SLC35F5: variants seen among roughly 807,000 people sequenced by gnomAD.
The protein encoded by SLC35F5 is solute carrier family 35 member F5.
A neutral mutation model predicts 68.6 loss-of-function variants in SLC35F5; 54 were observed. The observed-to-expected ratio is 0.79, with a 90% confidence interval of 0.63 to 0.99. The LOEUF is 0.99. Ranked by LOEUF, SLC35F5 falls within the 50% of genes least tolerant of loss-of-function variation. SLC35F5 has a pLI of 0.00. For synonymous variants in SLC35F5, 211 were observed against 205.2 expected, an observed-to-expected ratio of 1.03 and a Z score of -0.24; for missense variants, 567 against 626.9, an observed-to-expected ratio of 0.90 and a Z score of 1.02.
rs545946884 is a variant in SLC35F5, at chr2:113,707,012, A to C, written c.*8206T>G. 6.3e-4 allele frequency among the ~76,000 whole-genome samples: 96 copies of C among 152,346 alleles called. No individual in the cohort carries two copies. In the South Asian group the frequency reaches 0.019, roughly 30 times the overall value. ...CATAGCTAACATAAGTAGGAATTAT[A>C]ATTAATTTTATAATTGTGTTTAAAT... On this transcript the variant is annotated 3_prime_UTR_variant, in exon 16 of 16. Coordinates refer to ENST00000245680, the MANE Select transcript of SLC35F5 (RefSeq NM_025181.5).
At chr2:113,703,778 G>A (rs544188717), downstream of SLC35F5, 72 of 152,280 alleles carry the variant, frequency 4.7e-4, 1 homozygote, top group African/African-American at 1.7e-3. Flanking sequence ...GGATTAGCCT[G>A]GTTCTTCACT....
At chr2:113,720,920 A>G (rs2104980444) in intron 13 of SLC35F5, among the ~76,000 whole-genome samples, 1 of 152,294 alleles carries the variant, frequency 6.6e-6, no homozygotes, top group African/African-American at 2.4e-5. Context: ...TTTGATTTCC[A>G]ACAAGCTAAG....
chr2:113,756,285 C>T (rs545938450), intron 1 of SLC35F5, 85 bp downstream of exon 1: 186 of 1,545,556 alleles, frequency 1.2e-4, no homozygotes, highest in Admixed American at 2.6e-4. Context: ...CCTGCTGCCA[C>T]CGAGGGCAGG....
At chr2:113,746,612 C>CT (rs1267880678) in intron 4 of SLC35F5, among the ~76,000 whole-genome samples, 1 of 152,082 alleles carries the variant, frequency 6.6e-6, no homozygotes, top group Middle Eastern at 3.2e-3. Context: ...AGCTTATGCC[C>CT]TTTTCGGAAC....
chr2:113,717,367 GA>G (rs1376255529), intron 15 of SLC35F5: 1 of 152,996 alleles, frequency 6.5e-6, no homozygotes. Context: ...TATCATCAGA[GA>G]AAAAATATTT....
In SLC35F5 at chr2:113,708,116, C is replaced by A. The variant is rs1686851861; in HGVS notation, c.*7102G>T. Among the ~76,000 whole-genome samples, 1 of 152,106 alleles carries A rather than the reference C, an allele frequency of 6.6e-6. No homozygotes were observed. The highest frequency in any genetic ancestry group is 2.4e-5 in the African/African-American group (1 of 41,414). ...CACCAGTGCTCATCCTGTGGGCACC[C>A]CACAGTCAGCAGTTTAAGACCATTC... On this transcript the variant is annotated 3_prime_UTR_variant, in exon 16 of 16. Coordinates refer to ENST00000245680, the MANE Select transcript of SLC35F5 (RefSeq NM_025181.5).
intron 3 of SLC35F5, among the ~76,000 whole-genome samples, chr2:113,752,989 G>C (rs1046535471): frequency 2.0e-5 from 3 of 151,876 alleles, no homozygotes; most frequent in African/African-American, 7.3e-5. Flanking sequence ...AATGCTCCAG[G>C]AAAAAAAGTT....
rs1473727485 is a variant in SLC35F5, at chr2:113,711,777, A to T, written c.*3441T>A. ...TTATTTAGTAATAAAGAATATTTCA[A>T]AAGGAGAGTAGGTAGAAACGAAGAT... On this transcript the variant is annotated 3_prime_UTR_variant, in exon 16 of 16. Coordinates refer to ENST00000245680, the MANE Select transcript of SLC35F5 (RefSeq NM_025181.5). Among the ~76,000 whole-genome samples the T allele has an allele frequency of 7.5e-6, 1 of 132,574 alleles. No homozygotes were observed. Among genetic ancestry groups the T allele is most frequent in the Non-Finnish European group, 1.7e-5 (1 of 57,984 alleles). 87.0% of individuals were successfully genotyped at this position (132,574 alleles called of 152,430 possible).
At chr2:113,721,971 C>CTTTTT (rs71297192) in intron 13 of SLC35F5, among the ~76,000 whole-genome samples, 8,902 of 107,364 alleles carry the variant, frequency 0.083, 478 homozygotes, top group Non-Finnish European at 0.11. Flanking sequence ...TTGCTTTTAT[C>CTTTTT]TTTTTTTTTT....
At chr2:113,744,496 C>T (rs1486268340) in intron 5 of SLC35F5, among the ~76,000 whole-genome samples, 2 of 152,088 alleles carry the variant, frequency 1.3e-5, no homozygotes, top group Admixed American at 1.3e-4. Flanking sequence ...CCTGTAATCC[C>T]AGAACTTTGG....
Position 113,755,445 on chromosome 2 carries a change from G to C in SLC35F5, c.131+9C>G, listed in dbSNP as rs750489894. 1.9e-6 allele frequency: 3 copies of C among 1,613,674 alleles called. No homozygotes were observed. The African/African-American group carries it at 4.0e-5, about 22-fold the overall frequency. ...TGAAAGTTACATAGAGGATAAACGT[G>C]GAATCTACCTTGTCTTAAGAGCCCT... On this transcript the variant is annotated intron_variant, in intron 2 of 15. Coordinates refer to ENST00000245680, the MANE Select transcript of SLC35F5 (RefSeq NM_025181.5).
At position 113,743,476 on chromosome 2, in the gene SLC35F5, T is replaced by C. The variant is rs1559353488; in HGVS notation, c.562+237A>G. ...GCATGTGTGTATGTGTGTATACATA[T>C]ATATGATGAAACCATAGAGATTTAT... On this transcript the variant is annotated intron_variant, in intron 6 of 15. Coordinates refer to ENST00000245680, the MANE Select transcript of SLC35F5 (RefSeq NM_025181.5). Among the ~76,000 whole-genome samples, 3 of 152,310 alleles carry C rather than the reference T, an allele frequency of 2.0e-5. No homozygotes were observed. The South Asian group carries it at 6.2e-4, about 32-fold the overall frequency.
intron 5 of SLC35F5, among the ~76,000 whole-genome samples, chr2:113,744,428 T>C (rs1286097533): frequency 4.6e-5 from 7 of 152,210 alleles, no homozygotes; most frequent in African/African-American, 1.7e-4. Context: ...GTTAAACATA[T>C]ATTTCTCATT....
chr2:113,737,858 G>A (rs574741981), intron 7 of SLC35F5, among the ~76,000 whole-genome samples: 8 of 152,090 alleles, frequency 5.3e-5, no homozygotes, highest in East Asian at 1.9e-4. Context: ...TCCATACAAC[G>A]TCTCCCTTCA....
intron 13 of SLC35F5, among the ~76,000 whole-genome samples, chr2:113,722,628 A>C (rs1687490589): frequency 6.6e-6 from 1 of 152,204 alleles, no homozygotes; most frequent in Admixed American, 6.5e-5. Context: ...TATTTATCAC[A>C]AGAATCCCCA....
intron 7 of SLC35F5, among the ~76,000 whole-genome samples, chr2:113,737,477 G>T (rs757612516): frequency 6.6e-6 from 1 of 152,160 alleles, no homozygotes; most frequent in Non-Finnish European, 1.5e-5. Context: ...TCTGCATGCC[G>T]ATGAAGTGCT....
In SLC35F5 at chr2:113,755,130, T is replaced by TAATG. The variant is rs1414962148; in HGVS notation, c.273+31_273+34dup. The stretch of plus-strand genomic sequence containing the variant: ...AGGTTAAGAGTTAACATTGTGGCTG[T>TAATG]AATGTAACATCATTCCTGGACCAAA... On this transcript the variant is annotated intron_variant, in intron 3 of 15. Coordinates refer to ENST00000245680, the MANE Select transcript of SLC35F5 (RefSeq NM_025181.5). 3 of 1,603,572 alleles carry TAATG rather than the reference T, an allele frequency of 1.9e-6. No homozygotes were observed. The Admixed American group carries it at 5.1e-5, about 27-fold the overall frequency.
rs191901540 is a variant in SLC35F5, at chr2:113,708,397, G to A, written c.*6821C>T. 1.3e-5 allele frequency among the ~76,000 whole-genome samples: 2 copies of A among 152,196 alleles called. No individual in the cohort carries two copies. The highest frequency in any genetic ancestry group is 3.9e-4 in the East Asian group (2 of 5,180). On this transcript the variant is annotated 3_prime_UTR_variant, in exon 16 of 16. Coordinates refer to ENST00000245680, the MANE Select transcript of SLC35F5 (RefSeq NM_025181.5). ...AATTCACAATAGTGAACACCCTAGT[G>A]ACAACTTTTAAATAAAATACTGGAT...
chr2:113,723,156 G>GC lies in SLC35F5; in HGVS notation c.1288dup (p.Ala430GlyfsTer13). On this transcript the variant is annotated frameshift_variant, in exon 13 of 16. Transcript: ENST00000245680. LOFTEE classifies it high-confidence loss of function. ...GGACAGAGGTATTGTAAGGCTTAGT[G>GC]CAAGTGTGCCTATCAATGATGAGGT... The GC allele has an allele frequency of 6.3e-7, 1 of 1,592,942 alleles. No homozygotes were observed. The highest frequency in any genetic ancestry group is 1.7e-4 in the Middle Eastern group (1 of 5,910).
Sources: allele counts gnomAD v4.1 joint callset (sites outside exome capture counted in the v4.1 genomes callset), GRCh38; gene constraint gnomAD v4.1.1; transcripts MANE v1.5; gene names NCBI Gene and HGNC (gene_info 2026-07-23, HGNC 2026-07-21).